Variants in KRABD1 observed in about 807,000 individuals in gnomAD.
KRABD1 encodes KRAB domain containing 1.
At chr3:42,940,197 T>C in the KRABD1 span, among the ~76,000 whole-genome samples, 2 of 152,238 alleles carry the variant, frequency 1.3e-5, no homozygotes, top group African/African-American at 4.8e-5. Context: ...CATATACATA[T>C]CCAATTGATT....
chr3:42,939,867 G>T, the KRABD1 span, among the ~76,000 whole-genome samples: 21 of 151,972 alleles, frequency 1.4e-4, 1 homozygote, highest in Non-Finnish European at 1.0e-4. Flanking sequence ...TTATTACACT[G>T]TACCTTTTTT....
At chr3:42,942,536 A>G in the KRABD1 span, 1 of 1,049,388 alleles carries the variant, frequency 9.5e-7, no homozygotes, top group South Asian at 2.2e-5. Flanking sequence ...CCTCCTCTCT[A>G]GGATACTTGG....
chr3:42,940,401 G>A, the KRABD1 span, among the ~76,000 whole-genome samples: 2 of 152,118 alleles, frequency 1.3e-5, no homozygotes, highest in African/African-American at 2.4e-5. Flanking sequence ...GCAACACAAC[G>A]TAACATGGAG....
At chr3:42,936,616 C>T in the KRABD1 span, 2 of 152,342 alleles carry the variant, frequency 1.3e-5, no homozygotes, top group African/African-American at 2.4e-5. Flanking sequence ...CCACCCCCCT[C>T]GTTTCCCTGT....
At chr3:42,941,531 A>G in the KRABD1 span, among the ~76,000 whole-genome samples, 3 of 152,048 alleles carry the variant, frequency 2.0e-5, no homozygotes, top group Non-Finnish European at 4.4e-5. Flanking sequence ...CTCCTTCCCT[A>G]CCTGCCTCAG....
At chr3:42,942,537 G>A in the KRABD1 span, 4 of 1,062,812 alleles carry the variant, frequency 3.8e-6, no homozygotes, top group African/African-American at 1.6e-5. Context: ...CTCCTCTCTA[G>A]GATACTTGGA....
chr3:42,942,070 A>T, the KRABD1 span: 1 of 1,530,606 alleles, frequency 6.5e-7, no homozygotes, highest in South Asian at 1.2e-5. Flanking sequence ...CAGGCTGGAT[A>T]GGTGAGTTAA....
the KRABD1 span, chr3:42,941,147 C>T: frequency 1.5e-6 from 2 of 1,376,556 alleles, no homozygotes; most frequent in Non-Finnish European, 2.0e-6. Flanking sequence ...TTGTAGATGC[C>T]CTTCTCAGGT....
At chr3:42,938,786 G>A in the KRABD1 span, 1 of 681,454 alleles carries the variant, frequency 1.5e-6, no homozygotes, top group Non-Finnish European at 2.5e-6. Flanking sequence ...TGGGTCAGAG[G>A]TTGTTTGTAG....
At chr3:42,938,032 A>G in the KRABD1 span, 3 of 152,256 alleles carry the variant, frequency 2.0e-5, no homozygotes, top group Admixed American at 1.3e-4. Context: ...TCTTTAATGC[A>G]TAAATATTGA....
the KRABD1 span, chr3:42,941,435 G>C: frequency 7.2e-7 from 1 of 1,387,890 alleles, no homozygotes; most frequent in Non-Finnish European, 9.5e-7. Context: ...CCCAAATAGC[G>C]ATGTCAAAGG....
At chr3:42,937,291 T>A in the KRABD1 span, 4 of 152,218 alleles carry the variant, frequency 2.6e-5, no homozygotes, top group African/African-American at 4.8e-5. Context: ...GTTATTTATG[T>A]TTCATCTCCA....
At chr3:42,942,755 T>C in the KRABD1 span, 1 of 402,980 alleles carries the variant, frequency 2.5e-6, no homozygotes, top group African/African-American at 2.0e-5. Flanking sequence ...AGATTTAATG[T>C]TTTTCATTCA....
the KRABD1 span, chr3:42,941,902 AT>A: frequency 6.3e-6 from 7 of 1,103,522 alleles, no homozygotes; most frequent in South Asian, 9.3e-5. Flanking sequence ...ACAGGCTTAA[AT>A]TTGACCCCTA....
chr3:42,942,538 G>T, the KRABD1 span: 1 of 1,075,920 alleles, frequency 9.3e-7, no homozygotes, highest in Non-Finnish European at 1.3e-6. Flanking sequence ...TCCTCTCTAG[G>T]ATACTTGGAA....
the KRABD1 span, chr3:42,941,215 TGTC>T: frequency 1.3e-6 from 2 of 1,546,286 alleles, no homozygotes; most frequent in Non-Finnish European, 1.7e-6. Context: ...AGTAGGAACT[TGTC>T]GTTTCAGGAA....
chr3:42,937,090 C>A, the KRABD1 span: 1 of 152,176 alleles, frequency 6.6e-6, no homozygotes, highest in African/African-American at 2.4e-5. Context: ...ACATAGTTTC[C>A]TATGTACAGG....
chr3:42,938,838 C>T, the KRABD1 span: 12 of 1,280,216 alleles, frequency 9.4e-6, no homozygotes, highest in Middle Eastern at 1.9e-4. Context: ...TGTTTTTTTT[C>T]TTTACCTTCA....
the KRABD1 span, chr3:42,941,441 A>G: frequency 2.9e-6 from 4 of 1,371,000 alleles, no homozygotes; most frequent in South Asian, 6.2e-5. Flanking sequence ...TAGCGATGTC[A>G]AAGGTTGCCA....
Sources: allele counts gnomAD v4.1 joint callset (sites outside exome capture counted in the v4.1 genomes callset), GRCh38; gene constraint gnomAD v4.1.1; transcripts MANE v1.5; gene names NCBI Gene and HGNC (gene_info 2026-07-23, HGNC 2026-07-21).